The following TOPAZ1 variants were observed in gnomAD, a reference collection of about 807,000 sequenced individuals.
The protein encoded by TOPAZ1 is testis and ovary specific TOPAZ 1.
Under a neutral mutation model 172.2 loss-of-function variants are expected in TOPAZ1, and 66 were observed. That is an observed-to-expected ratio of 0.38 (90% CI 0.31 to 0.47). The LOEUF (loss-of-function observed/expected upper bound fraction) is 0.47, where lower values mean the gene tolerates loss of function less well. Among genes scored for constraint, TOPAZ1 ranks in the 20% least tolerant of loss-of-function variants. The pLI, the probability that TOPAZ1 is intolerant of heterozygous loss-of-function variation, is 0.99. For missense variants in TOPAZ1, 1,822 were observed against 1,972.4 expected, an observed-to-expected ratio of 0.92 and a Z score of 1.44; for synonymous variants, 681 against 683.9, an observed-to-expected ratio of 1.00 and a Z score of 0.07.
chr3:44,308,472 G>C (rs1000001693), intron 15 of TOPAZ1, among the ~76,000 whole-genome samples: 1 of 151,936 alleles, frequency 6.6e-6, no homozygotes, highest in Non-Finnish European at 1.5e-5. Context: ...CTTTTTTATG[G>C]CTGCATAGTA....
intron 12 of TOPAZ1, among the ~76,000 whole-genome samples, chr3:44,294,976 A>G (rs943618612): frequency 5.9e-5 from 9 of 152,216 alleles, no homozygotes; most frequent in Non-Finnish European, 1.3e-4. Context: ...TAAAACTTTC[A>G]CATTTAAAGT....
intron 12 of TOPAZ1, among the ~76,000 whole-genome samples, chr3:44,300,132 T>TA (rs1006094199): frequency 1.9e-4 from 28 of 148,422 alleles, no homozygotes; most frequent in East Asian, 5.9e-4. Flanking sequence ...AAATAAAAAA[T>TA]AAAAAAAAAG....
intron 9 of TOPAZ1, among the ~76,000 whole-genome samples, chr3:44,283,709 T>G (rs917570324): frequency 5.3e-5 from 8 of 152,214 alleles, no homozygotes; most frequent in Admixed American, 4.6e-4. Context: ...CTCTCTCTCC[T>G]TCCTTCCATA....
chr3:44,334,479 T>C (rs1465663510), downstream of TOPAZ1, among the ~76,000 whole-genome samples: 1 of 152,160 alleles, frequency 6.6e-6, no homozygotes, highest in Non-Finnish European at 1.5e-5. Flanking sequence ...CCGGATTCCA[T>C]CAAGAGGCCC....
At chr3:44,299,704 A>G (rs1186292055) in intron 12 of TOPAZ1, among the ~76,000 whole-genome samples, 8 of 151,650 alleles carry the variant, frequency 5.3e-5, no homozygotes, top group African/African-American at 1.5e-4. Flanking sequence ...AACCAACCCA[A>G]ATGTCCAACA....
chr3:44,259,988 G>A (rs1190251161), intron 4 of TOPAZ1, among the ~76,000 whole-genome samples: 1 of 152,062 alleles, frequency 6.6e-6, no homozygotes, highest in Admixed American at 6.5e-5. Flanking sequence ...GAATCATTGG[G>A]GCAGTTCCCC....
At chr3:44,265,110 C>G (rs181794823) in intron 5 of TOPAZ1, among the ~76,000 whole-genome samples, 5 of 152,272 alleles carry the variant, frequency 3.3e-5, no homozygotes. Flanking sequence ...TGAATTCTTC[C>G]TAGGTTTTCA....
intron 12 of TOPAZ1, among the ~76,000 whole-genome samples, chr3:44,299,138 A>C (rs573606624): frequency 6.6e-6 from 1 of 150,840 alleles, no homozygotes; most frequent in East Asian, 2.0e-4. Flanking sequence ...GGCCAGGCTG[A>C]TCTCAAACTG....
intron 8 of TOPAZ1, among the ~76,000 whole-genome samples, chr3:44,274,295 G>A (rs1699928333): frequency 6.6e-6 from 1 of 151,522 alleles, no homozygotes; most frequent in Non-Finnish European, 1.5e-5. Context: ...CAGCTACTTG[G>A]GAGGCTGAGG....
At chr3:44,324,794 G>C (rs900442636) in intron 18 of TOPAZ1, among the ~76,000 whole-genome samples, 9 of 152,128 alleles carry the variant, frequency 5.9e-5, no homozygotes, top group African/African-American at 2.2e-4. Context: ...AACCTCATAT[G>C]CATTAGCAGT....
At chr3:44,331,699 A>G in intron 19 of TOPAZ1, 93 bp from the exon 20 acceptor site, 1 of 980,112 alleles carries the variant, frequency 1.0e-6, no homozygotes, top group Non-Finnish European at 1.5e-6. Flanking sequence ...AGACTATCAT[A>G]GCTTAGTACC....
rs528770492 is a variant in TOPAZ1 at position 44,269,372 on chromosome 3, C to G, written c.3246+71C>G. On this transcript the variant is annotated intron_variant, in intron 7 of 19. Coordinates refer to ENST00000309765, the MANE Select transcript of TOPAZ1 (RefSeq NM_001145030.2). ...CCCCTCCTCCTCCTTCTCCTCCCTC[C>G]TCTTCCTCACTTTCCTCCACTCCCT... is the stretch of plus-strand genomic sequence containing the variant. 229 of 852,808 alleles carry G rather than the reference C, an allele frequency of 2.7e-4. 2 individuals carry two copies. The South Asian group carries it at 3.3e-3, about 12-fold the overall frequency. 52.8% of individuals were successfully genotyped at this position (852,808 alleles called of 1,614,324 possible).
Position 44,256,242 on chromosome 3 carries a change from C to T in TOPAZ1, c.2919C>T (p.Phe973=), listed in dbSNP as rs777738428. The change falls in exon 4 of 20, where the codon TTC becomes TTT. Residue 973 remains phenylalanine, a synonymous_variant. Coordinates refer to ENST00000309765, the MANE Select transcript of TOPAZ1 (RefSeq NM_001145030.2). ...ETSENETLGD[F]SEQIKGSDLD... is the part of the protein sequence containing the mutation. ...CTGAAAATGAAACACTGGGAGACTT[C>T]AGTGAACAAATAAAAGGTTCAGACT... 6 of 1,533,266 alleles carry T rather than the reference C, an allele frequency of 3.9e-6. No homozygotes were observed. The highest frequency in any genetic ancestry group is 1.2e-5 in the South Asian group (1 of 80,044). The allele number at this position is 1,533,266 out of a possible 1,614,324, so 95.0% of individuals were successfully genotyped here. A position where few individuals can be genotyped will look rare whatever the true frequency, so the allele number is the denominator to read the frequency against.
intron 1 of TOPAZ1, 55 bp downstream of exon 1, chr3:44,242,454 A>C: frequency 2.0e-6 from 3 of 1,519,254 alleles, no homozygotes; most frequent in South Asian, 1.2e-5. Context: ...AGCGTGCTCC[A>C]TCTTTGTTTT....
Position 44,245,222 on chromosome 3 carries a change from T to A in TOPAZ1, c.2716T>A (p.Ser906Thr). Residue 906 changes from serine to threonine, a missense_variant, in exon 2 of 20, where the codon TCC becomes ACC. Ser to Thr is a moderately conservative substitution (Grantham distance 58, BLOSUM62 1). This residue lies in a region of TOPAZ1 where 1,489 missense variants were observed against 1,490.8 expected (regional missense o/e 1.00). Coordinates refer to ENST00000309765, the MANE Select transcript of TOPAZ1 (RefSeq NM_001145030.2). ...NVAGEHQSTDSKYMETPVKKE... is the reference protein window; with the variant it reads ...NVAGEHQSTDTKYMETPVKKE... Reference sequence around the variant, plus strand: ...TGCTGGAGAGCACCAATCAACAGACTCCAAGTACATGGAAACTCCAGTAAA... The same window carrying A: ...TGCTGGAGAGCACCAATCAACAGACACCAAGTACATGGAAACTCCAGTAAA... 3 of 1,546,176 alleles carry A rather than the reference T, an allele frequency of 1.9e-6. No individual in the cohort carries two copies. The highest frequency in any genetic ancestry group is 2.6e-6 in the Non-Finnish European group (3 of 1,145,636).
intron 16 of TOPAZ1, among the ~76,000 whole-genome samples, chr3:44,311,183 T>C (rs1700394274): frequency 6.6e-6 from 1 of 152,132 alleles, no homozygotes; most frequent in South Asian, 2.1e-4. Context: ...ATATAAAATA[T>C]CTTGTATATG....
At chr3:44,293,741 GTA>G (rs1700165372) in intron 12 of TOPAZ1, among the ~76,000 whole-genome samples, 1 of 152,086 alleles carries the variant, frequency 6.6e-6, no homozygotes, top group African/African-American at 2.4e-5. Context: ...TGTAGCCTAA[GTA>G]TATAGTATTT....
intron 12 of TOPAZ1, among the ~76,000 whole-genome samples, chr3:44,294,268 C>T (rs995054109): frequency 5.9e-5 from 9 of 151,552 alleles, no homozygotes; most frequent in East Asian, 1.9e-4. Context: ...AGCCATCAAA[C>T]GACGCATGAC....
chr3:44,318,913 G>C (rs1033200078), intron 16 of TOPAZ1, among the ~76,000 whole-genome samples: 1 of 150,508 alleles, frequency 6.6e-6, no homozygotes, highest in Admixed American at 6.6e-5. Context: ...AAGCCTTTGC[G>C]GGCACAGAAA....
Sources: gnomAD v4.1 joint callset for allele counts (sites outside exome capture counted in the v4.1 genomes callset) on GRCh38, gnomAD v4.1.1 for gene constraint, gnomAD v4.1.1 regional missense constraint, MANE v1.5 for transcripts, NCBI Gene and HGNC (gene_info 2026-07-23, HGNC 2026-07-21) for gene names.